Variants in SPAG9 observed in about 807,000 individuals in gnomAD.
SPAG9 encodes sperm associated antigen 9, also known as C-Jun-amino-terminal kinase-interacting protein 4.
Under a neutral mutation model 166.5 loss-of-function variants are expected in SPAG9, and 35 were observed. The observed-to-expected ratio is 0.21, with a 90% CI of 0.16 to 0.28. The LOEUF is 0.28. SPAG9 is among the 10% of genes least tolerant of loss of function. The pLI, the probability that SPAG9 is intolerant of heterozygous loss-of-function variation, is 1.00. For missense variants in SPAG9, 1,235 were observed against 1,603.3 expected (o/e 0.77, Z 3.92); for synonymous variants, 534 against 565.5 (o/e 0.94, Z 0.79).
In SPAG9 at chr17:51,103,128, A is replaced by C. The variant is rs192161051; in HGVS notation, c.303+17226T>G. 2.6e-5 allele frequency among the ~76,000 whole-genome samples: 4 copies of C among 152,248 alleles called. No homozygotes were observed. The East Asian group carries it at 7.7e-4, about 29-fold the overall frequency. ...AGGACTTATTGAAAAACTTTTTGGA[A>C]GTTTTAGCATAACTTGGCACCAGAA... On this transcript the variant is annotated intron_variant, in intron 1 of 29. Coordinates refer to ENST00000262013, the MANE Select transcript of SPAG9 (RefSeq NM_001130528.3).
chr17:51,021,773 T>G (rs2045946459), intron 6 of SPAG9, among the ~76,000 whole-genome samples: 1 of 152,158 alleles, frequency 6.6e-6, no homozygotes, highest in African/African-American at 2.4e-5. Flanking sequence ...ATTCTTAACC[T>G]CGGGTATCTT....
At chr17:51,100,590 C>T (rs2048781149) in intron 1 of SPAG9, among the ~76,000 whole-genome samples, 1 of 151,918 alleles carries the variant, frequency 6.6e-6, no homozygotes, top group Non-Finnish European at 1.5e-5. Flanking sequence ...CATAATCGTG[C>T]CACTGCACTC....
intron 26 of SPAG9, among the ~76,000 whole-genome samples, chr17:50,979,533 G>T (rs1974440640): frequency 6.6e-6 from 1 of 151,364 alleles, no homozygotes; most frequent in Non-Finnish European, 1.5e-5. Context: ...AGGTGGCTGT[G>T]CCTACCTACA....
intron 1 of SPAG9, among the ~76,000 whole-genome samples, 183 bp from the exon 2 acceptor site, chr17:51,079,887 A>G (rs2048113511): frequency 6.6e-6 from 1 of 152,196 alleles, no homozygotes; most frequent in South Asian, 2.1e-4. Context: ...CAAATATAGA[A>G]GAAAAAAATA....
At chr17:51,054,978 C>A (rs1179339344) in intron 3 of SPAG9, among the ~76,000 whole-genome samples, 1 of 152,134 alleles carries the variant, frequency 6.6e-6, no homozygotes, top group Non-Finnish European at 1.5e-5. Context: ...CCACATTATT[C>A]AAATGCAATG....
In SPAG9 at chr17:51,027,716, A is replaced by G. The variant is rs1034793421; in HGVS notation, c.783+3965T>C. Among the ~76,000 whole-genome samples, 8 of 152,336 alleles carry G rather than the reference A, an allele frequency of 5.3e-5. 1 individual carries two copies. In the South Asian group the frequency reaches 1.7e-3, roughly 32 times the overall value. On this transcript the variant is annotated intron_variant, in intron 6 of 29. Coordinates refer to ENST00000262013, the MANE Select transcript of SPAG9 (RefSeq NM_001130528.3). ...TGCCAGGTGTATAAAAGTATAGTAC[A>G]TGCAATTCTATACAGTACATAATAC...
intron 1 of SPAG9, among the ~76,000 whole-genome samples, chr17:51,104,608 C>G (rs940934118): frequency 2.0e-5 from 3 of 151,974 alleles, no homozygotes; most frequent in African/African-American, 4.8e-5. Context: ...TGCACTCCAG[C>G]CTGGGTAACA....
intron 6 of SPAG9, among the ~76,000 whole-genome samples, chr17:51,026,616 G>T (rs2046183043): frequency 6.6e-6 from 1 of 151,406 alleles, no homozygotes; most frequent in African/African-American, 2.4e-5. Context: ...GATACAGCAT[G>T]AGAGCTGAGA....
chr17:51,022,821 A>ATGCC (rs2144199615), intron 6 of SPAG9, among the ~76,000 whole-genome samples: 1 of 150,924 alleles, frequency 6.6e-6, no homozygotes, highest in Admixed American at 6.6e-5. Context: ...ATGGTGGCGC[A>ATGCC]TGCCTGCAAT....
At chr17:50,999,381 C>A in intron 14 of SPAG9, 1 of 945,668 alleles carries the variant, frequency 1.1e-6, no homozygotes, top group Non-Finnish European at 1.5e-6. Context: ...AAATAATTCC[C>A]CATTATTTAA....
chr17:51,023,298 T>C (rs2046018726), intron 6 of SPAG9: 2 of 153,658 alleles, frequency 1.3e-5, no homozygotes, highest in South Asian at 3.3e-4. Context: ...ATTTTTATAA[T>C]TTATTAATTT....
At chr17:51,055,353 TCA>T (rs144478419) in intron 3 of SPAG9, among the ~76,000 whole-genome samples, 3 of 148,762 alleles carry the variant, frequency 2.0e-5, no homozygotes, top group South Asian at 2.1e-4. Flanking sequence ...ACTCTCTCTC[TCA>T]CACACACACA....
Position 51,066,205 on chromosome 17 carries a change from A to C in SPAG9, c.425-9723T>G, listed in dbSNP as rs2047659447. Among the ~76,000 whole-genome samples the C allele has an allele frequency of 2.6e-5, 4 of 151,930 alleles. 1 individual carries two copies. The South Asian group carries it at 8.3e-4, about 32-fold the overall frequency. On this transcript the variant is annotated intron_variant, in intron 2 of 29. Transcript: ENST00000262013. The stretch of plus-strand genomic sequence containing the variant: ...ACTACAGCCTTGACTTCCTGGGCTC[A>C]AGCAATCCTCCAGGCTCAAGTGATC...
chr17:51,017,854 C>T (rs1339538871), intron 8 of SPAG9, among the ~76,000 whole-genome samples: 3 of 151,978 alleles, frequency 2.0e-5, no homozygotes, highest in Non-Finnish European at 4.4e-5. Flanking sequence ...AGATTCAAAT[C>T]CAAGACAGGA....
intron 2 of SPAG9, among the ~76,000 whole-genome samples, chr17:51,075,368 A>G (rs2047941883): frequency 6.6e-6 from 1 of 152,034 alleles, no homozygotes; most frequent in African/African-American, 2.4e-5. Flanking sequence ...TTGGGAAAAA[A>G]AGAAGCAGTA....
intron 1 of SPAG9, among the ~76,000 whole-genome samples, chr17:51,085,813 A>G (rs1167538529): frequency 6.6e-6 from 1 of 152,172 alleles, no homozygotes; most frequent in Non-Finnish European, 1.5e-5. Context: ...TCTTATACCC[A>G]GAAAGATAAA....
At chr17:51,055,088 G>A (rs900621635) in intron 3 of SPAG9, among the ~76,000 whole-genome samples, 3 of 152,024 alleles carry the variant, frequency 2.0e-5, no homozygotes, top group African/African-American at 4.8e-5. Context: ...TGGCTCACAC[G>A]TGTAATGCCA....
intron 12 of SPAG9, among the ~76,000 whole-genome samples, chr17:51,004,428 C>T (rs1304757681): frequency 6.6e-6 from 1 of 152,146 alleles, no homozygotes; most frequent in Non-Finnish European, 1.5e-5. Flanking sequence ...CTTTGACCTG[C>T]AAACATTTGT....
chr17:50,985,500 G>T (rs1004834301), intron 23 of SPAG9, among the ~76,000 whole-genome samples, 198 bp downstream of exon 23: 3 of 152,168 alleles, frequency 2.0e-5, no homozygotes, highest in South Asian at 2.1e-4. Flanking sequence ...AATCAAGCAA[G>T]TTATCCTTTC....
Sources: allele counts gnomAD v4.1 joint callset (sites outside exome capture counted in the v4.1 genomes callset), GRCh38; gene constraint gnomAD v4.1.1; transcripts MANE v1.5; gene names NCBI Gene and HGNC (gene_info 2026-07-23, HGNC 2026-07-21).